Variants in EXT1 observed in about 807,000 individuals in gnomAD.
The protein encoded by EXT1 is exostosin-1.
Under a neutral mutation model 82.5 loss-of-function variants are expected in EXT1, and 20 were observed. The observed-to-expected ratio is 0.24, with a 90% CI of 0.17 to 0.35. EXT1 has a LOEUF of 0.35. EXT1 is among the 10% of genes least tolerant of loss of function. The pLI, the probability that EXT1 is intolerant of heterozygous loss-of-function variation, is 1.00. For synonymous variants in EXT1, 348 were observed against 350.8 expected, an observed-to-expected ratio of 0.99 and a Z score of 0.09; for missense variants, 757 against 936.5, an observed-to-expected ratio of 0.81 and a Z score of 2.50.
intron 1 of EXT1, among the ~76,000 whole-genome samples, chr8:118,089,746 C>T (rs1237428670): frequency 6.6e-6 from 1 of 152,190 alleles, no homozygotes; most frequent in Non-Finnish European, 1.5e-5. Flanking sequence ...GATGAAAACT[C>T]TTATGTGCTA....
At chr8:118,022,503 A>G (rs943079321) in intron 1 of EXT1, among the ~76,000 whole-genome samples, 7 of 151,350 alleles carry the variant, frequency 4.6e-5, no homozygotes, top group African/African-American at 1.7e-4. Context: ...ACGCCCAGCT[A>G]ATTTTTGTAT....
chr8:118,088,336 G>C (rs1817464365), intron 1 of EXT1, among the ~76,000 whole-genome samples: 1 of 152,076 alleles, frequency 6.6e-6, no homozygotes, highest in Non-Finnish European at 1.5e-5. Context: ...TCCCTTCTGA[G>C]CCATTTGGCT....
chr8:117,873,447 C>CTTTTTTTTTTTTTTTTTTTT (rs1184985472), intron 1 of EXT1, among the ~76,000 whole-genome samples: 2 of 99,706 alleles, frequency 2.0e-5, no homozygotes, highest in African/African-American at 8.2e-5. Context: ...TGTCCTGTGA[C>CTTTTTTTTTTTTTTTTTTTT]TTTTTTTTTT....
At chr8:117,830,428 T>C (rs1316006106) in intron 3 of EXT1, 79 bp from the exon 4 acceptor site, 1 of 1,529,094 alleles carries the variant, frequency 6.5e-7, no homozygotes, top group Non-Finnish European at 8.9e-7. Flanking sequence ...CCAACTGGGT[T>C]AGGCTTTTAT....
intron 1 of EXT1, among the ~76,000 whole-genome samples, chr8:118,013,765 C>A (rs183449939): frequency 6.6e-6 from 1 of 152,238 alleles, no homozygotes; most frequent in African/African-American, 2.4e-5. Context: ...TACTATGGTC[C>A]ACTATTTTTA....
At chr8:118,037,524 T>G (rs1816445251) in intron 1 of EXT1, among the ~76,000 whole-genome samples, 1 of 152,078 alleles carries the variant, frequency 6.6e-6, no homozygotes, top group Non-Finnish European at 1.5e-5. Flanking sequence ...AGATTCTTTA[T>G]AGCACTCCCC....
chr8:117,915,894 C>CAAAACAAAACAAAAG (rs1196728992), intron 1 of EXT1, among the ~76,000 whole-genome samples: 5 of 149,250 alleles, frequency 3.4e-5, no homozygotes, highest in Non-Finnish European at 7.4e-5. Flanking sequence ...CAAAACAAAA[C>CAAAACAAAACAAAAG]AAAAGTCACT....
At chr8:117,894,040 C>T (rs1813293840) in intron 1 of EXT1, among the ~76,000 whole-genome samples, 1 of 152,160 alleles carries the variant, frequency 6.6e-6, no homozygotes, top group South Asian at 2.1e-4. Flanking sequence ...GCTATCTACC[C>T]ACTGACCCCT....
intron 1 of EXT1, among the ~76,000 whole-genome samples, chr8:117,947,137 T>A (rs933556732): frequency 6.6e-6 from 1 of 152,172 alleles, no homozygotes; most frequent in Non-Finnish European, 1.5e-5. Context: ...TACACACAGA[T>A]GTGTGTAATC....
chr8:117,825,616 T>C (rs1449669820), intron 4 of EXT1, among the ~76,000 whole-genome samples: 4 of 152,236 alleles, frequency 2.6e-5, no homozygotes, highest in Non-Finnish European at 5.9e-5. Context: ...TATCCTCTGT[T>C]TTCCAAATAA....
At chr8:118,032,132 C>CT (rs1816335875) in intron 1 of EXT1, among the ~76,000 whole-genome samples, 1 of 136,826 alleles carries the variant, frequency 7.3e-6, no homozygotes, top group South Asian at 2.7e-4. Flanking sequence ...ACTCAATGGC[C>CT]AAAACCGCGA....
chr8:117,805,463 T>C (rs2129695929), intron 9 of EXT1, among the ~76,000 whole-genome samples: 1 of 152,310 alleles, frequency 6.6e-6, no homozygotes, highest in Middle Eastern at 3.4e-3. Flanking sequence ...TGGTCAATCG[T>C]AACAGAAAAC....
chr8:117,806,807 TA>T (rs1823245355), intron 9 of EXT1, among the ~76,000 whole-genome samples: 1 of 152,232 alleles, frequency 6.6e-6, no homozygotes. Context: ...AATTATTATG[TA>T]GACAGTCTTT....
At chr8:117,877,975 A>G (rs1302172103) in intron 1 of EXT1, among the ~76,000 whole-genome samples, 1 of 152,216 alleles carries the variant, frequency 6.6e-6, no homozygotes, top group African/African-American at 2.4e-5. Context: ...CAATTTATTT[A>G]GAGAAATAAA....
At chr8:117,981,198 G>C (rs971248747) in intron 1 of EXT1, among the ~76,000 whole-genome samples, 3 of 152,048 alleles carry the variant, frequency 2.0e-5, no homozygotes, top group African/African-American at 7.2e-5. Flanking sequence ...CAGCAGCATG[G>C]GGGGTTTTAA....
chr8:118,102,615 A>G (rs983097071), intron 1 of EXT1, among the ~76,000 whole-genome samples: 2 of 152,202 alleles, frequency 1.3e-5, no homozygotes, highest in African/African-American at 4.8e-5. Flanking sequence ...TTTACTCACC[A>G]TTAATTAAAT....
chr8:117,975,314 C>G (rs1379684536), intron 1 of EXT1, among the ~76,000 whole-genome samples: 1 of 152,136 alleles, frequency 6.6e-6, no homozygotes, highest in Non-Finnish European at 1.5e-5. Flanking sequence ...CTCTAAAAGT[C>G]ATTCCAAAAG....
rs376547973 is a variant in EXT1 at position 118,022,407 on chromosome 8, G to A, written c.962+87678C>T. Among the ~76,000 whole-genome samples the A allele has an allele frequency of 5.3e-4, 69 of 130,778 alleles. No homozygotes were observed. In the East Asian group the frequency reaches 0.014, roughly 26 times the overall value. 85.8% of individuals were successfully genotyped at this position (130,778 alleles called of 152,430 possible). Reference sequence around the variant, plus strand: ...GGCTGGAGTGCAGTGGCACGATCTCGGCTCACTGCAACCTCCACCTCCCAG... The same window carrying A: ...GGCTGGAGTGCAGTGGCACGATCTCAGCTCACTGCAACCTCCACCTCCCAG... On this transcript the variant is annotated intron_variant, in intron 1 of 10. Coordinates refer to ENST00000378204, the MANE Select transcript of EXT1 (RefSeq NM_000127.3).
At chr8:117,947,667 C>G (rs928782136) in intron 1 of EXT1, among the ~76,000 whole-genome samples, 2 of 152,136 alleles carry the variant, frequency 1.3e-5, no homozygotes, top group Non-Finnish European at 2.9e-5. Context: ...AATGGCATTC[C>G]TGACTATTCT....
Sources: allele counts gnomAD v4.1 joint callset (sites outside exome capture counted in the v4.1 genomes callset), GRCh38; gene constraint gnomAD v4.1.1; transcripts MANE v1.5; gene names NCBI Gene and HGNC (gene_info 2026-07-23, HGNC 2026-07-21).